Variants in ABCA13 observed in about 807,000 individuals in gnomAD.
The protein encoded by ABCA13 is ATP binding cassette subfamily A member 13.
Under a neutral mutation model 478.7 loss-of-function variants are expected in ABCA13, and 476 were observed. That is an observed-to-expected ratio of 0.99 (90% CI 0.92 to 1.07). The LOEUF is 1.07. ABCA13 is among the 50% of genes least tolerant of loss of function. The pLI, the probability that ABCA13 is intolerant of heterozygous loss-of-function variation, is 0.00. For missense variants in ABCA13, 6,060 were observed against 5,910.6 expected (o/e 1.03, Z -0.83); for synonymous variants, 2,252 against 2,158.9 (o/e 1.04, Z -1.20).
At chr7:48,603,035 G>A (rs879041844) in intron 58 of ABCA13, among the ~76,000 whole-genome samples, 1 of 152,022 alleles carries the variant, frequency 6.6e-6, no homozygotes, top group Non-Finnish European at 1.5e-5. Flanking sequence ...CTGTTTGTCT[G>A]TTATTGGTAT....
intron 27 of ABCA13, among the ~76,000 whole-genome samples, chr7:48,323,751 G>A (rs1485689911): frequency 6.6e-6 from 1 of 152,168 alleles, no homozygotes; most frequent in Non-Finnish European, 1.5e-5. Flanking sequence ...TGGTTTGGCT[G>A]TGCCCCCACC....
Position 48,182,019 on chromosome 7 carries a change from T to C in ABCA13, c.69+10467T>C, listed in dbSNP as rs149496010. Among the ~76,000 whole-genome samples the C allele has an allele frequency of 5.1e-3, 778 of 152,218 alleles. 2 individuals carry two copies. Among genetic ancestry groups the C allele is most frequent in the African/African-American group, 0.018 (736 of 41,510 alleles). On this transcript the variant is annotated intron_variant, in intron 1 of 61. Transcript: ENST00000435803. ...CCAGGGTCCCTGTGTATGGAGCACT[T>C]GATGTCCTGTATACCCACCTCCCCT...
At chr7:48,306,622 G>A (rs1157330047) in intron 23 of ABCA13, among the ~76,000 whole-genome samples, 1 of 152,158 alleles carries the variant, frequency 6.6e-6, no homozygotes, top group East Asian at 1.9e-4. Context: ...TGGCATTAAG[G>A]AAAACTTCAC....
At chr7:48,427,561 C>A (rs1165510233) in intron 41 of ABCA13, among the ~76,000 whole-genome samples, 1 of 152,182 alleles carries the variant, frequency 6.6e-6, no homozygotes, top group Non-Finnish European at 1.5e-5. Flanking sequence ...AAGTTTCATT[C>A]ATCTTTGCAT....
chr7:48,268,004 A>G (rs1795084680), intron 15 of ABCA13, among the ~76,000 whole-genome samples: 1 of 152,148 alleles, frequency 6.6e-6, no homozygotes, highest in African/African-American at 2.4e-5. Flanking sequence ...CAGTTTGATG[A>G]TAAATACTTC....
chr7:48,175,833 C>A (rs997005562), intron 1 of ABCA13, among the ~76,000 whole-genome samples: 2 of 152,114 alleles, frequency 1.3e-5, no homozygotes, highest in African/African-American at 4.8e-5. Context: ...TATCCCTATT[C>A]TCTCCCTCTC....
rs921388637 is a variant in ABCA13 at position 48,581,987 on chromosome 7, A to T, written c.14505+1613A>T. On this transcript the variant is annotated intron_variant, in intron 56 of 61. Coordinates refer to ENST00000435803, the MANE Select transcript of ABCA13 (RefSeq NM_152701.5). ...GAATTATTATAAAATAATGGAAAAT[A>T]AAGTTTTATCTTTCAGTATTTATTC... Among the ~76,000 whole-genome samples the T allele has an allele frequency of 2.0e-5, 3 of 152,250 alleles. No homozygotes were observed. In the South Asian group the frequency reaches 6.2e-4, roughly 31 times the overall value.
intron 55 of ABCA13, among the ~76,000 whole-genome samples, chr7:48,531,920 C>T (rs553439842): frequency 3.3e-5 from 5 of 151,846 alleles, no homozygotes; most frequent in South Asian, 2.1e-4. Context: ...GGGTTTTCTA[C>T]GTATACAATC....
intron 59 of ABCA13, among the ~76,000 whole-genome samples, chr7:48,620,587 T>C (rs1245946084): frequency 6.6e-6 from 1 of 152,192 alleles, no homozygotes; most frequent in African/African-American, 2.4e-5. Flanking sequence ...GGCAGCAAAT[T>C]GTCCTGGGTG....
chr7:48,597,362 C>A (rs1450244738), intron 58 of ABCA13, among the ~76,000 whole-genome samples: 3 of 152,182 alleles, frequency 2.0e-5, no homozygotes, highest in Admixed American at 6.5e-5. Context: ...ATCCATTCAC[C>A]AGTTGATAAG....
chr7:48,500,362 A>G (rs1358402528), intron 48 of ABCA13, among the ~76,000 whole-genome samples: 1 of 151,978 alleles, frequency 6.6e-6, no homozygotes, highest in Admixed American at 6.6e-5. Flanking sequence ...GGGATCTAGG[A>G]CAACCAAGGA....
intron 48 of ABCA13, among the ~76,000 whole-genome samples, chr7:48,493,052 T>C (rs1360133188): frequency 1.3e-5 from 2 of 152,152 alleles, no homozygotes; most frequent in Non-Finnish European, 2.9e-5. Context: ...TATTCTATTA[T>C]AGCAACAGAA....
chr7:48,223,958 CA>C (rs1197606657), intron 5 of ABCA13, among the ~76,000 whole-genome samples: 6,221 of 78,614 alleles, frequency 0.079, 158 homozygotes, highest in South Asian at 0.11. Flanking sequence ...GACTCGGTCT[CA>C]AAAAAAAAAA....
At chr7:48,290,778 T>C (rs1798394997) in intron 20 of ABCA13, among the ~76,000 whole-genome samples, 2 of 151,352 alleles carry the variant, frequency 1.3e-5, no homozygotes, top group African/African-American at 4.8e-5. Flanking sequence ...CAGGAGTGAG[T>C]TGGCCCCTAA....
At chr7:48,316,347 GTTGAAATGAGAATTTTC>G (rs1341948803) in intron 26 of ABCA13, among the ~76,000 whole-genome samples, 1 of 152,142 alleles carries the variant, frequency 6.6e-6, no homozygotes, top group East Asian at 1.9e-4. Context: ...TATTGTGACT[GTTGAAATGAGAATTTTC>G]TTGATGAAAA....
chr7:48,552,390 A>G (rs1415504346), intron 55 of ABCA13, among the ~76,000 whole-genome samples: 1 of 151,740 alleles, frequency 6.6e-6, no homozygotes, highest in East Asian at 1.9e-4. Flanking sequence ...GAAAATGTAA[A>G]CTTTTTATTA....
At chr7:48,594,087 GTCTA>G (rs1340283705) in intron 57 of ABCA13, among the ~76,000 whole-genome samples, 1 of 151,962 alleles carries the variant, frequency 6.6e-6, no homozygotes. Context: ...ATGTTCAAAT[GTCTA>G]TCTCTTTATC....
chr7:48,543,193 CAT>C (rs1176877353), intron 55 of ABCA13, among the ~76,000 whole-genome samples: 1 of 151,530 alleles, frequency 6.6e-6, no homozygotes, highest in Non-Finnish European at 1.5e-5. Flanking sequence ...TATATTTAAA[CAT>C]AGAAATTTAA....
intron 55 of ABCA13, among the ~76,000 whole-genome samples, chr7:48,539,743 C>T (rs754207625): frequency 7.9e-5 from 12 of 152,264 alleles, no homozygotes; most frequent in Non-Finnish European, 1.8e-4. Flanking sequence ...GAAATAATAA[C>T]TCAAATGTTT....
Sources: allele counts gnomAD v4.1 joint callset (sites outside exome capture counted in the v4.1 genomes callset), GRCh38; gene constraint gnomAD v4.1.1; transcripts MANE v1.5; gene names NCBI Gene and HGNC (gene_info 2026-07-23, HGNC 2026-07-21).